The following CAMTA1 variants were observed in gnomAD, a reference collection of about 807,000 sequenced individuals.
The protein encoded by CAMTA1 is calmodulin-binding transcription activator 1.
A neutral mutation model predicts 170.9 loss-of-function variants in CAMTA1; 27 were observed. The ratio of observed to expected loss-of-function variants is 0.16; its 90% CI spans 0.12 to 0.22. The LOEUF is 0.22. CAMTA1 is among the 10% of genes least tolerant of loss of function. The pLI is 1.00. For missense variants in CAMTA1, 1,619 were observed against 2,217.2 expected, an observed-to-expected ratio of 0.73 and a Z score of 5.42; for synonymous variants, 833 against 891.5, an observed-to-expected ratio of 0.93 and a Z score of 1.17.
chr1:7,398,235 ATATTTGC>A (rs2089591633), intron 5 of CAMTA1, among the ~76,000 whole-genome samples: 1 of 83,452 alleles, frequency 1.2e-5, no homozygotes, highest in Non-Finnish European at 2.4e-5. Context: ...ATATATATAT[ATATTTGC>A]TTAATATATC....
intron 5 of CAMTA1, among the ~76,000 whole-genome samples, chr1:7,436,736 T>A (rs1391659194): frequency 1.3e-5 from 2 of 152,112 alleles, no homozygotes; most frequent in Admixed American, 1.3e-4. Flanking sequence ...TTAGTTTCTG[T>A]CTCTTATTAA....
chr1:7,663,750 G>C lies in CAMTA1; in HGVS notation c.1203G>C (p.Met401Ile), dbSNP rs752236906. ...TGTCCCAGAGCGCCACGGTGTTCAT[G>C]TCAGAGGTCACCAATGAGGCCGTGT... ...GSLSQSATVF[M>I]SEVTNEAVYT... Residue 401 changes from methionine to isoleucine, a missense_variant, in exon 9 of 23, where the codon ATG becomes ATC. By Grantham distance (10) the Met-to-Ile change is conservative. Coordinates refer to ENST00000303635, the MANE Select transcript of CAMTA1 (RefSeq NM_015215.4). The C allele has an allele frequency of 1.2e-6, 2 of 1,613,986 alleles. No individual in the cohort carries two copies. The highest frequency in any genetic ancestry group is 1.7e-6 in the Non-Finnish European group (2 of 1,180,008).
chr1:7,131,808 C>G (rs1481938042), intron 4 of CAMTA1, among the ~76,000 whole-genome samples: 1 of 152,138 alleles, frequency 6.6e-6, no homozygotes, highest in African/African-American at 2.4e-5. Flanking sequence ...GTAATCCCAG[C>G]ACTTAGGGAG....
intron 3 of CAMTA1, among the ~76,000 whole-genome samples, chr1:7,049,298 G>A (rs1436487276): frequency 2.0e-5 from 3 of 152,138 alleles, no homozygotes; most frequent in Non-Finnish European, 4.4e-5. Context: ...CACCCAGGGA[G>A]GGGGCAGCGT....
chr1:7,246,260 C>A (rs915897139), intron 4 of CAMTA1, among the ~76,000 whole-genome samples: 8 of 152,196 alleles, frequency 5.3e-5, no homozygotes, highest in Non-Finnish European at 1.0e-4. Context: ...ATAATAATAC[C>A]TACCTCATAG....
intron 3 of CAMTA1, among the ~76,000 whole-genome samples, chr1:6,854,188 A>G (rs1342163730): frequency 1.3e-5 from 2 of 152,200 alleles, no homozygotes; most frequent in East Asian, 3.8e-4. Context: ...GAACTGGAAA[A>G]TTCCTGTCTC....
rs866817558 is a variant in CAMTA1 at position 7,422,500 on chromosome 1, G to A, written c.439-45330G>A. The stretch of plus-strand genomic sequence containing the variant: ...AATGGCCAGACCCCCTCTGTGCTGG[G>A]GGGATCTGTGCTGTGCTGCTGCCCA... On this transcript the variant is annotated intron_variant, in intron 5 of 22. Transcript: ENST00000303635. Among the ~76,000 whole-genome samples, 8 of 152,256 alleles carry A rather than the reference G, an allele frequency of 5.3e-5. No individual in the cohort carries two copies. The South Asian group carries it at 1.7e-3, about 32-fold the overall frequency.
chr1:6,988,017 C>A (rs969681869), intron 3 of CAMTA1, among the ~76,000 whole-genome samples: 5 of 152,224 alleles, frequency 3.3e-5, no homozygotes, highest in Admixed American at 3.3e-4. Context: ...TGCTTCCCAT[C>A]CCTCTTCCCT....
intron 5 of CAMTA1, among the ~76,000 whole-genome samples, chr1:7,268,747 C>T (rs1669279527): frequency 6.6e-6 from 1 of 152,230 alleles, no homozygotes; most frequent in Non-Finnish European, 1.5e-5. Context: ...ATATCATTCA[C>T]AATGCCCTGC....
At chr1:6,843,282 AG>A (rs1465459083) in intron 3 of CAMTA1, among the ~76,000 whole-genome samples, 1 of 152,158 alleles carries the variant, frequency 6.6e-6, no homozygotes. Context: ...TAAGGTTCTT[AG>A]ATGTCCATTC....
chr1:7,703,990 G>C (rs1023284163), intron 11 of CAMTA1, among the ~76,000 whole-genome samples: 6 of 151,980 alleles, frequency 3.9e-5, no homozygotes, highest in African/African-American at 1.2e-4. Flanking sequence ...GCCCAGCGCC[G>C]CACCCCCTCC....
intron 5 of CAMTA1, among the ~76,000 whole-genome samples, chr1:7,434,649 T>C (rs2092289280): frequency 6.6e-6 from 1 of 152,198 alleles, no homozygotes; most frequent in East Asian, 1.9e-4. Context: ...GAAATTTATT[T>C]CCCATCAATG....
intron 6 of CAMTA1, among the ~76,000 whole-genome samples, chr1:7,542,602 G>A (rs2094626993): frequency 1.2e-5 from 1 of 82,260 alleles, no homozygotes; most frequent in African/African-American, 4.8e-5. Context: ...GAGTAGCTGG[G>A]ATTACAGGTG....
chr1:7,163,584 C>G (rs1023366794), intron 4 of CAMTA1, among the ~76,000 whole-genome samples: 2 of 152,084 alleles, frequency 1.3e-5, no homozygotes, highest in South Asian at 2.1e-4. Context: ...TAACAGGGAA[C>G]AAGGAGGACA....
At chr1:7,490,596 G>T (rs779060604) in intron 6 of CAMTA1, among the ~76,000 whole-genome samples, 4 of 152,074 alleles carry the variant, frequency 2.6e-5, no homozygotes, top group Non-Finnish European at 4.4e-5. Context: ...AGGTTGCGGT[G>T]AGCCGAGATT....
At chr1:7,571,485 C>A (rs2095125510) in intron 6 of CAMTA1, among the ~76,000 whole-genome samples, 1 of 152,176 alleles carries the variant, frequency 6.6e-6, no homozygotes, top group Admixed American at 6.5e-5. Context: ...TTTCCCTCCT[C>A]CCACCTTCTG....
chr1:7,179,624 A>G (rs189975138), intron 4 of CAMTA1, among the ~76,000 whole-genome samples: 24 of 152,338 alleles, frequency 1.6e-4, no homozygotes, highest in Non-Finnish European at 2.8e-4. Flanking sequence ...TCATCTGGAA[A>G]TGAAAAACAA....
At chr1:7,123,257 C>T (rs978259208) in intron 4 of CAMTA1, among the ~76,000 whole-genome samples, 1 of 152,142 alleles carries the variant, frequency 6.6e-6, no homozygotes, top group Admixed American at 6.5e-5. Flanking sequence ...CTCAGGTGTT[C>T]CTTGGCCTGT....
intron 4 of CAMTA1, among the ~76,000 whole-genome samples, chr1:7,152,533 A>G (rs181893146): frequency 6.6e-6 from 1 of 152,284 alleles, no homozygotes; most frequent in Non-Finnish European, 1.5e-5. Flanking sequence ...TGTTGAGGCC[A>G]TCTCTGAGCC....
Sources: allele counts gnomAD v4.1 joint callset (sites outside exome capture counted in the v4.1 genomes callset), GRCh38; gene constraint gnomAD v4.1.1; transcripts MANE v1.5; gene names NCBI Gene and HGNC (gene_info 2026-07-23, HGNC 2026-07-21).